ZBTB20: variants seen among roughly 807,000 people sequenced by gnomAD.
The protein encoded by ZBTB20 is zinc finger and BTB domain containing 20, also known as zinc finger and BTB domain-containing protein 20.
Under a neutral mutation model 56.9 loss-of-function variants are expected in ZBTB20, and 9 were observed. That is an observed-to-expected ratio of 0.16 (90% CI 0.10 to 0.28). The LOEUF is 0.28. Among genes scored for constraint, ZBTB20 ranks in the 10% least tolerant of loss-of-function variants. The probability of loss-of-function intolerance (pLI) is 1.00; values close to 1 mark genes in which losing one functional copy is unlikely to be tolerated. For missense variants in ZBTB20, 655 were observed against 1,003.0 expected, an observed-to-expected ratio of 0.65 and a Z score of 4.69; for synonymous variants, 417 against 420.7, an observed-to-expected ratio of 0.99 and a Z score of 0.11.
chr3:114,938,223 C>T lies in ZBTB20; in HGVS notation c.-456+36143G>A, dbSNP rs1428804773. Among the ~76,000 whole-genome samples the T allele has an allele frequency of 6.8e-5, 10 of 146,294 alleles. 1 individual carries two copies. Among genetic ancestry groups the T allele is most frequent in the South Asian group, 2.1e-4 (1 of 4,668 alleles). Reference sequence around the variant, plus strand: ...AAAAATTTTCTCCCATTCTGTAAGTCGCCTGTTCACTCTGATGATAATTTC... The same window carrying T: ...AAAAATTTTCTCCCATTCTGTAAGTTGCCTGTTCACTCTGATGATAATTTC... On this transcript the variant is annotated intron_variant, in intron 3 of 11. Coordinates refer to ENST00000675478, the MANE Select transcript of ZBTB20 (RefSeq NM_001348800.3).
rs140229653 is a variant in ZBTB20, at chr3:114,538,688, A to G, written c.-294-38297T>C. On this transcript the variant is annotated intron_variant, in intron 6 of 11. Coordinates refer to ENST00000675478, the MANE Select transcript of ZBTB20 (RefSeq NM_001348800.3). ...ATTCTGCTCTCTGTCTAAGATGTGTAGAGACAGGTCCTGTTTGTGTCTGAG... is the reference window on the plus strand; with the variant it reads ...ATTCTGCTCTCTGTCTAAGATGTGTGGAGACAGGTCCTGTTTGTGTCTGAG... Among the ~76,000 whole-genome samples, 3 of 152,292 alleles carry G rather than the reference A, an allele frequency of 2.0e-5. No individual in the cohort carries two copies. In the East Asian group the frequency reaches 5.8e-4, roughly 29 times the overall value.
chr3:114,761,323 T>C (rs2068421259), intron 5 of ZBTB20, among the ~76,000 whole-genome samples: 1 of 152,168 alleles, frequency 6.6e-6, no homozygotes, highest in Non-Finnish European at 1.5e-5. Flanking sequence ...CTAAGGACTT[T>C]ACATATAGTA....
chr3:114,533,734 G>C (rs2048132023), intron 6 of ZBTB20, among the ~76,000 whole-genome samples: 1 of 152,212 alleles, frequency 6.6e-6, no homozygotes, highest in African/African-American at 2.4e-5. Context: ...AGGGCAGCCA[G>C]AGAGAAAGGT....
intron 1 of ZBTB20, among the ~76,000 whole-genome samples, chr3:115,085,155 T>A (rs1375440102): frequency 6.6e-6 from 1 of 152,020 alleles, no homozygotes. Flanking sequence ...TCCAAAGATG[T>A]TGAGTCCCAT....
At chr3:114,428,822 G>C (rs1245723725) in intron 7 of ZBTB20, among the ~76,000 whole-genome samples, 1 of 152,162 alleles carries the variant, frequency 6.6e-6, no homozygotes, top group Non-Finnish European at 1.5e-5. Flanking sequence ...TTACCTTAGT[G>C]ATCTTTTAGT....
At chr3:114,852,630 T>C (rs1430574652) in intron 4 of ZBTB20, among the ~76,000 whole-genome samples, 1 of 152,192 alleles carries the variant, frequency 6.6e-6, no homozygotes, top group Non-Finnish European at 1.5e-5. Flanking sequence ...AAAATAGATA[T>C]TATTTTCTTG....
At chr3:114,634,887 G>A (rs749535232) in intron 6 of ZBTB20, among the ~76,000 whole-genome samples, 5 of 152,148 alleles carry the variant, frequency 3.3e-5, no homozygotes, top group African/African-American at 7.2e-5. Context: ...GTGTACTGAC[G>A]CACCTGTAGA....
At chr3:115,053,287 A>G (rs1560529339) in intron 2 of ZBTB20, among the ~76,000 whole-genome samples, 1 of 152,306 alleles carries the variant, frequency 6.6e-6, no homozygotes, top group East Asian at 1.9e-4. Flanking sequence ...TCGTTGGAAC[A>G]GTTTCTTGTT....
At chr3:114,453,119 T>A (rs908572706) in intron 7 of ZBTB20, among the ~76,000 whole-genome samples, 1 of 152,184 alleles carries the variant, frequency 6.6e-6, no homozygotes, top group African/African-American at 2.4e-5. Flanking sequence ...GGAGCATTAA[T>A]TTGAAAATGA....
intron 6 of ZBTB20, among the ~76,000 whole-genome samples, chr3:114,689,846 G>GC (rs1169529227): frequency 6.6e-6 from 1 of 152,112 alleles, no homozygotes; most frequent in African/African-American, 2.4e-5. Context: ...AAGACTTGCA[G>GC]CTTTAAAATA....
At chr3:114,874,740 G>A (rs1386786616) in intron 4 of ZBTB20, among the ~76,000 whole-genome samples, 1 of 152,050 alleles carries the variant, frequency 6.6e-6, no homozygotes, top group Non-Finnish European at 1.5e-5. Flanking sequence ...TCTCTTTATT[G>A]ATGTCCTTTT....
chr3:114,710,781 T>C (rs1221281783), intron 5 of ZBTB20, among the ~76,000 whole-genome samples: 1 of 152,210 alleles, frequency 6.6e-6, no homozygotes, highest in Non-Finnish European at 1.5e-5. Flanking sequence ...AGTGTAGCCC[T>C]GGAACTCTTT....
chr3:114,801,690 T>C (rs371152748), intron 4 of ZBTB20, among the ~76,000 whole-genome samples: 1 of 151,894 alleles, frequency 6.6e-6, no homozygotes, highest in Non-Finnish European at 1.5e-5. Context: ...AGGTAGATGG[T>C]GAAGAAGGGC....
intron 11 of ZBTB20, among the ~76,000 whole-genome samples, chr3:114,345,958 T>C (rs2080152993): frequency 6.6e-6 from 1 of 152,176 alleles, no homozygotes. Context: ...ATTATCTTTG[T>C]TTTTTTCTCT....
intron 5 of ZBTB20, chr3:114,710,442 T>C (rs1335588054): frequency 1.3e-5 from 2 of 152,198 alleles, no homozygotes; most frequent in African/African-American, 2.4e-5. Flanking sequence ...GAATTTCAAA[T>C]TCAACATTCT....
At chr3:114,587,356 T>G (rs1160783775) in intron 6 of ZBTB20, among the ~76,000 whole-genome samples, 1 of 152,076 alleles carries the variant, frequency 6.6e-6, no homozygotes, top group Non-Finnish European at 1.5e-5. Flanking sequence ...CAGACACAGA[T>G]GTACACTATC....
At chr3:114,730,486 T>C (rs2065654935) in intron 5 of ZBTB20, among the ~76,000 whole-genome samples, 1 of 152,178 alleles carries the variant, frequency 6.6e-6, no homozygotes. Context: ...ACCAACTGTA[T>C]TTGGAGATAA....
At chr3:115,136,435 T>C (rs994585077) in intron 1 of ZBTB20, among the ~76,000 whole-genome samples, 7 of 150,842 alleles carry the variant, frequency 4.6e-5, no homozygotes, top group African/African-American at 1.7e-4. Context: ...TAAAGATAAA[T>C]AAAGCATGGT....
chr3:114,491,477 G>T (rs1423155549), intron 7 of ZBTB20, among the ~76,000 whole-genome samples: 1 of 151,670 alleles, frequency 6.6e-6, no homozygotes, highest in African/African-American at 2.4e-5. Context: ...CATCACTTGG[G>T]AAACCTCTTA....
Sources: gnomAD v4.1 joint callset for allele counts (sites outside exome capture counted in the v4.1 genomes callset) on GRCh38, gnomAD v4.1.1 for gene constraint, MANE v1.5 for transcripts, NCBI Gene and HGNC (gene_info 2026-07-23, HGNC 2026-07-21) for gene names.